The following ANO9 variants were observed in gnomAD, a reference collection of about 807,000 sequenced individuals.
ANO9 encodes the protein anoctamin 9.
In ANO9, 80 loss-of-function variants were observed where a neutral mutation model predicts 100.5. The ratio of observed to expected loss-of-function variants is 0.80; its 90% confidence interval spans 0.66 to 0.96. The LOEUF is 0.96. Ranked by LOEUF, ANO9 falls within the 40% of genes least tolerant of loss-of-function variation. The probability of loss-of-function intolerance (pLI) is 0.00; values close to 1 mark genes in which losing one functional copy is unlikely to be tolerated. For missense variants in ANO9, 1,064 were observed against 1,072.7 expected, an observed-to-expected ratio of 0.99 and a Z score of 0.11; for synonymous variants, 473 against 435.6, an observed-to-expected ratio of 1.09 and a Z score of -1.07.
intron 15 of ANO9, among the ~76,000 whole-genome samples, chr11:425,279 ACGGGAC>A (rs1265213078): frequency 1.4e-5 from 2 of 143,238 alleles, no homozygotes; most frequent in Non-Finnish European, 3.1e-5. Context: ...GCGTGGAGAG[ACGGGAC>A]GCGCGGGAGG....
At chr11:431,960 C>T (rs1296599959) in intron 5 of ANO9, 39 bp downstream of exon 5, 1 of 1,612,286 alleles carries the variant, frequency 6.2e-7, no homozygotes. Flanking sequence ...GAGAACCCTG[C>T]CCGCAGCGCC....
rs1848655410 is a variant in ANO9, at chr11:428,407, G to A, written c.1186-13C>T. The A allele has an allele frequency of 6.2e-7, 1 of 1,612,584 alleles. No individual in the cohort carries two copies. Among genetic ancestry groups the A allele is most frequent in the African/African-American group, 1.3e-5 (1 of 74,932 alleles). ...CGCACCTGTTGATCTGCGGAGGAGG[G>A]CACCGAATGGGCTCACTGGGGCTCC... On this transcript the variant is annotated splice_polypyrimidine_tract_variant and intron_variant, in intron 13 of 22. Coordinates refer to ENST00000332826, the MANE Select transcript of ANO9 (RefSeq NM_001012302.3).
chr11:424,546 G>A (rs560728878), intron 15 of ANO9, among the ~76,000 whole-genome samples: 8 of 152,318 alleles, frequency 5.3e-5, no homozygotes, highest in African/African-American at 1.9e-4. Flanking sequence ...GTGGGCAATG[G>A]ATGTAGCTAC....
rs1177600239 is a variant in ANO9 at position 418,028 on chromosome 11, G to A, written c.*343C>T. On this transcript the variant is annotated 3_prime_UTR_variant, in exon 23 of 23. Coordinates refer to ENST00000332826, the MANE Select transcript of ANO9 (RefSeq NM_001012302.3). ...GACACCCCCAACAGCCAGGATGGGG[G>A]CACGGCAGGATCTGGCGCCCAGAAG... The A allele has an allele frequency of 9.7e-6, 3 of 310,642 alleles. No individual in the cohort carries two copies. Among genetic ancestry groups the A allele is most frequent in the East Asian group, 1.3e-4 (2 of 15,390 alleles). 19.2% of individuals were successfully genotyped at this position (310,642 alleles called of 1,614,324 possible).
Position 430,341 on chromosome 11 carries a change from A to G in ANO9, c.602T>C (p.Leu201Pro). The change falls in exon 8 of 23, where the codon CTG (leucine) becomes CCG (proline). Residue 201 changes from leucine to proline, a missense_variant. By Grantham distance (98) the Leu-to-Pro change is moderately conservative. Transcript: ENST00000332826. Reference protein sequence around the residue: ...FVWLGWYTYMLVPAALTGLLV... With the variant: ...FVWLGWYTYMPVPAALTGLLV... ...GAGGCCCGTCAGGGCGGCCGGCACC[A>G]GCATGTAGGTGTACCAGCCCAGCCA... 1 of 1,609,902 alleles carries G rather than the reference A, an allele frequency of 6.2e-7. No homozygotes were observed. Among genetic ancestry groups the G allele is most frequent in the Non-Finnish European group, 8.5e-7 (1 of 1,179,132 alleles).
chr11:428,043 A>ATTTTTTTTTTTT, intron 15 of ANO9, 45 bp downstream of exon 15: 1 of 1,305,016 alleles, frequency 7.7e-7, no homozygotes, highest in South Asian at 1.3e-5. Flanking sequence ...GCAGTGGAAC[A>ATTTTTTTTTTTT]AGCCCTCGTG....
Position 429,785 on chromosome 11 carries a change from C to A in ANO9, c.805G>T (p.Val269Leu). ...THLFDNDGTV[V>L]FAIFMALWAT... Reference sequence around the variant, plus strand: ...CAGAGAGCCATGAAGATGGCGAACACCACCGTGCCATCATTGTCAAAGAGG... The same window carrying A: ...CAGAGAGCCATGAAGATGGCGAACAACACCGTGCCATCATTGTCAAAGAGG... Residue 269 changes from valine to leucine, a missense_variant, in exon 10 of 23, where the codon GTG (valine) becomes TTG (leucine). Val to Leu is a conservative substitution (Grantham distance 32). Coordinates refer to ENST00000332826, the MANE Select transcript of ANO9 (RefSeq NM_001012302.3). 1.9e-6 allele frequency: 3 copies of A among 1,609,238 alleles called. No homozygotes were observed. Among genetic ancestry groups the A allele is most frequent in the South Asian group, 1.1e-5 (1 of 90,880 alleles).
chr11:418,945 G>C lies in ANO9; in HGVS notation c.1979C>G (p.Thr660Ser). ...CCCATCAGGGTCCTGGAAGTCCTTG[G>C]TGTGGAAGACGGACAGGCTGTGGTT... ...YVNHSLSVFH[T>S]KDFQDPDGIE... Residue 660 changes from threonine (T) to serine (S), a missense_variant, in exon 21 of 23, where the codon ACC (threonine) becomes AGC (serine). Physicochemically the swap from Thr to Ser is moderately conservative, Grantham distance 58 (BLOSUM62 1). Transcript: ENST00000332826. The C allele has an allele frequency of 6.2e-7, 1 of 1,613,514 alleles. No homozygotes were observed. The highest frequency in any genetic ancestry group is 8.5e-7 in the Non-Finnish European group (1 of 1,179,876).
Position 432,146 on chromosome 11 carries a change from CCT to C in ANO9, c.351-94_351-93del. ...CCTCTGGTCTGGCCAGGCCCAGGCC[CCT>C]CCCTGTCCTGGCAGAGCCCCCAGCC... On this transcript the variant is annotated intron_variant, in intron 4 of 22. Coordinates refer to ENST00000332826, the MANE Select transcript of ANO9 (RefSeq NM_001012302.3). This position sits in a 1 kb window ranked among gnomAD's most constrained non-coding sequence, Gnocchi z 4.8. 2 of 1,385,122 alleles carry C rather than the reference CCT, an allele frequency of 1.4e-6. No homozygotes were observed. Among genetic ancestry groups the C allele is most frequent in the Non-Finnish European group, 2.0e-6 (2 of 997,474 alleles). The allele number at this position is 1,385,122 out of a possible 1,614,324, so 85.8% of individuals were successfully genotyped here.
At position 429,831 on chromosome 11, in the gene ANO9, T is replaced by C. The variant is rs1848777833; in HGVS notation, c.772-13A>G. On this transcript the variant is annotated splice_polypyrimidine_tract_variant and intron_variant, in intron 9 of 22. Transcript: ENST00000332826. ...AGAGGTGGGTGAGCTGGGGGGGTGA[T>C]AGGTGGGCCGGAGAGGAGGTGGGTG... 3 of 1,585,610 alleles carry C rather than the reference T, an allele frequency of 1.9e-6. No homozygotes were observed. Among genetic ancestry groups the C allele is most frequent in the South Asian group, 1.1e-5 (1 of 88,236 alleles).
chr11:438,939 G>C (rs6598021), intron 1 of ANO9, among the ~76,000 whole-genome samples: 130,461 of 152,230 alleles, frequency 0.86, 56,399 homozygotes, highest in East Asian at 1. Flanking sequence ...CACTCAGTCT[G>C]AGGGCCTCTG....
At chr11:431,962 C>G (rs376082668) in intron 5 of ANO9, 37 bp downstream of exon 5, 1 of 1,612,432 alleles carries the variant, frequency 6.2e-7, no homozygotes, top group Non-Finnish European at 8.5e-7. Context: ...GAACCCTGCC[C>G]GCAGCGCCCC....
At chr11:420,263 A>C in intron 19 of ANO9, 200 bp downstream of exon 19, 1 of 1,426,222 alleles carries the variant, frequency 7.0e-7, no homozygotes, top group East Asian at 2.5e-5. Flanking sequence ...GGAGCCTACA[A>C]AGCGCTCGGC....
At position 433,828 on chromosome 11, in the gene ANO9, C is replaced by T. The variant is rs886638920; in HGVS notation, c.191G>A (p.Gly64Asp). 1.4e-5 allele frequency: 22 copies of T among 1,561,806 alleles called. No individual in the cohort carries two copies. The highest frequency in any genetic ancestry group is 1.5e-5 in the Non-Finnish European group (17 of 1,153,410). Residue 64 changes from glycine (G) to aspartate (D), a missense_variant, in exon 3 of 23, where the codon GGC becomes GAC. By Grantham distance (94) the Gly-to-Asp change is moderately conservative. Transcript: ENST00000332826. ...QQFLEELRRK[G>D]FHIKVIRDQK... ...GCACCCGCCCACCTTAATGTGGAAG[C>T]CCTTTCTCCTGAGCTCCTCCAGGAA...
Position 433,873 on chromosome 11 carries a change from C to G in ANO9, c.146G>C (p.Arg49Pro), listed in dbSNP as rs142684170. 1.3e-6 allele frequency: 2 copies of G among 1,563,932 alleles called. No individual in the cohort carries two copies. The highest frequency in any genetic ancestry group is 1.7e-6 in the Non-Finnish European group (2 of 1,154,358). Residue 49 changes from arginine to proline, a missense_variant, in exon 3 of 23, where the codon CGG (arginine) becomes CCG (proline). Physicochemically the swap from Arg to Pro is moderately radical, Grantham distance 103. Transcript: ENST00000332826. Reference sequence around the variant, plus strand: ...CAGGAACTGTTGCTGCCGCGCCTGCCGGGGGTCTCTCTGGGTGTGACGTTG... The same window carrying G: ...CAGGAACTGTTGCTGCCGCGCCTGCGGGGGGTCTCTCTGGGTGTGACGTTG... The part of the protein sequence containing the change: ...VAQRHTQRDP[R>P]QARQQQFLEE...
At chr11:437,933 T>A (rs1388245851) in intron 1 of ANO9, among the ~76,000 whole-genome samples, 1 of 152,046 alleles carries the variant, frequency 6.6e-6, no homozygotes. Context: ...GCCGGCAGGA[T>A]AAGCCCAGAC....
Position 429,815 on chromosome 11 carries a change from T to C in ANO9, c.775A>G (p.Thr259Ala). The stretch of plus-strand genomic sequence containing the variant: ...GTGCCATCATTGTCAAAGAGGTGGG[T>C]GAGCTGGGGGGGTGATAGGTGGGCC... The part of the protein sequence containing the change: ...LSETCTFAKL[T>A]HLFDNDGTVV... The change falls in exon 10 of 23, where the codon ACC becomes GCC. Residue 259 changes from threonine to alanine, a missense_variant. Physicochemically the swap from Thr to Ala is moderately conservative, Grantham distance 58 (BLOSUM62 0). Coordinates refer to ENST00000332826, the MANE Select transcript of ANO9 (RefSeq NM_001012302.3). 6.3e-7 allele frequency: 1 copy of C among 1,599,088 alleles called. No individual in the cohort carries two copies. Among genetic ancestry groups the C allele is most frequent in the African/African-American group, 1.4e-5 (1 of 73,722 alleles).
At position 430,150 on chromosome 11, in the gene ANO9, AG is replaced by A. The variant is rs1298004823; in HGVS notation, c.703del (p.Leu235SerfsTer102). ...SKEICEAHDILMCPLGDHSRR... is the reference protein window; with the variant it reads ...SKEICEAHDIXMCPLGDHSRR... ...GCTGTGGTCGCCGAGGGGACACATG[AG>A]GATGTCGTGGGCCTCACAGATCTCC... is the stretch of plus-strand genomic sequence containing the variant. On this transcript the variant is annotated frameshift_variant, in exon 9 of 23. Coordinates refer to ENST00000332826, the MANE Select transcript of ANO9 (RefSeq NM_001012302.3). LOFTEE classifies it high-confidence loss of function. 1.3e-6 allele frequency: 2 copies of A among 1,553,444 alleles called. No individual in the cohort carries two copies.
In ANO9 at chr11:428,740, G is replaced by C. The variant is rs569050945; in HGVS notation, c.1002C>G (p.Leu334=). 6.2e-7 allele frequency: 1 copy of C among 1,613,214 alleles called. No homozygotes were observed. Among genetic ancestry groups the C allele is most frequent in the African/African-American group, 1.3e-5 (1 of 74,926 alleles). ...TGCGTACCATGAGCAGGGTCAGGACGAGGATGACGGTGCTGCGTAGGTAGG... is the reference window on the plus strand; with the variant it reads ...TGCGTACCATGAGCAGGGTCAGGACCAGGATGACGGTGCTGCGTAGGTAGG... ...QHSYLRSTVI[L]VLTLLMICLM... Residue 334 remains leucine, a synonymous_variant, in exon 12 of 23, where the codon CTC becomes CTG. Transcript: ENST00000332826.
Sources: gnomAD v4.1 joint callset for allele counts (sites outside exome capture counted in the v4.1 genomes callset) on GRCh38, gnomAD v4.1.1 for gene constraint, Gnocchi (gnomAD v3.1) non-coding constraint, MANE v1.5 for transcripts, NCBI Gene and HGNC (gene_info 2026-07-23, HGNC 2026-07-21) for gene names.